Variants in ABCD2 observed in about 807,000 individuals in gnomAD.
ABCD2 encodes the protein ATP-binding cassette sub-family D member 2.
Under a neutral mutation model 70.9 loss-of-function variants are expected in ABCD2, and 36 were observed. That is an observed-to-expected ratio of 0.51 (90% CI 0.39 to 0.67). ABCD2 has a LOEUF of 0.67. Among genes scored for constraint, ABCD2 ranks in the 30% least tolerant of loss-of-function variants. The pLI is 0.00. For synonymous variants in ABCD2, 304 were observed against 306.9 expected (o/e 0.99, Z 0.10); for missense variants, 729 against 890.2 (o/e 0.82, Z 2.30).
At chr12:39,607,502 T>C (rs1053028562) in intron 3 of ABCD2, 97 bp downstream of exon 3, 1 of 1,014,300 alleles carries the variant, frequency 9.9e-7, no homozygotes, top group Non-Finnish European at 1.5e-6. Flanking sequence ...AGAGAAAAGA[T>C]ATGTTTCCAA....
chr12:39,590,147 T>C (rs1941726125), intron 6 of ABCD2, among the ~76,000 whole-genome samples: 1 of 152,180 alleles, frequency 6.6e-6, no homozygotes, highest in Admixed American at 6.5e-5. Context: ...ACATTTTGAG[T>C]CAGTTCAAGT....
At chr12:39,567,595 TTG>T (rs1941374264) in intron 9 of ABCD2, among the ~76,000 whole-genome samples, 2 of 152,034 alleles carry the variant, frequency 1.3e-5, no homozygotes, top group South Asian at 4.2e-4. Context: ...ATTTGCCAAT[TTG>T]TGTCTTTTAA....
chr12:39,545,845 A>G (rs1312723236), downstream of ABCD2, among the ~76,000 whole-genome samples: 3 of 152,118 alleles, frequency 2.0e-5, no homozygotes, highest in Non-Finnish European at 4.4e-5. Context: ...TGTCCACCTG[A>G]CTTGAGGGAT....
At chr12:39,534,712 A>AAGGG in the ABCD2 span, among the ~76,000 whole-genome samples, 2 of 145,310 alleles carry the variant, frequency 1.4e-5, no homozygotes, top group African/African-American at 5.1e-5. Context: ...GGAAGGAAGG[A>AAGGG]AGGAAGGAAG....
the ABCD2 span, among the ~76,000 whole-genome samples, chr12:39,544,395 T>C: frequency 1.3e-5 from 2 of 152,186 alleles, no homozygotes; most frequent in Non-Finnish European, 1.5e-5. Flanking sequence ...TAATTTCTAA[T>C]CTTGTGGCTA....
intron 9 of ABCD2, among the ~76,000 whole-genome samples, chr12:39,563,739 T>C (rs552111831): frequency 7.2e-5 from 11 of 152,290 alleles, no homozygotes; most frequent in African/African-American, 2.2e-4. Context: ...ACTCATCATT[T>C]AACATTAGTT....
intron 1 of ABCD2, among the ~76,000 whole-genome samples, chr12:39,617,902 A>T (rs978619125): frequency 6.6e-6 from 1 of 152,194 alleles, no homozygotes; most frequent in Non-Finnish European, 1.5e-5. Flanking sequence ...AGTTACCTTC[A>T]TGCACTGTTA....
chr12:39,599,833 A>C (rs1941872130), intron 6 of ABCD2, among the ~76,000 whole-genome samples: 1 of 152,250 alleles, frequency 6.6e-6, no homozygotes, highest in African/African-American at 2.4e-5. Flanking sequence ...GTCCTCTGAC[A>C]TAGTAGGAGT....
At chr12:39,583,268 G>T (rs1941622116) in intron 7 of ABCD2, among the ~76,000 whole-genome samples, 1 of 152,164 alleles carries the variant, frequency 6.6e-6, no homozygotes, top group African/African-American at 2.4e-5. Flanking sequence ...TCATTTTACA[G>T]TTGAAGATAC....
chr12:39,554,041 T>C lies in ABCD2; in HGVS notation c.2094A>G (p.Glu698=). ...GCTGAGATTCTAGCTTTTGTTTTTC[T>C]TCACTCAATGTCAAACGGATAGCAG... ...LDTAIRLTLS[E]EKQKLESQLA... The change falls in exon 10 of 10, where the codon GAA becomes GAG. Residue 698 remains glutamate, a synonymous_variant. Transcript: ENST00000308666. 6.2e-7 allele frequency: 1 copy of C among 1,613,764 alleles called. No individual in the cohort carries two copies. The highest frequency in any genetic ancestry group is 1.7e-5 in the Admixed American group (1 of 59,990).
At chr12:39,566,580 G>A (rs895365003) in intron 9 of ABCD2, among the ~76,000 whole-genome samples, 29 of 152,202 alleles carry the variant, frequency 1.9e-4, no homozygotes, top group African/African-American at 6.5e-4. Flanking sequence ...CAAAAAACCA[G>A]CTCCTGGATT....
chr12:39,541,377 G>C, the ABCD2 span, among the ~76,000 whole-genome samples: 1 of 152,188 alleles, frequency 6.6e-6, no homozygotes, highest in African/African-American at 2.4e-5. Context: ...AAGTCGGTGA[G>C]GGGGCAGCTT....
rs573667276 is a variant in ABCD2 at position 39,583,021 on chromosome 12, G to A, written c.1792+3131C>T. 3.9e-5 allele frequency among the ~76,000 whole-genome samples: 6 copies of A among 151,954 alleles called. 1 individual carries two copies. In the South Asian group the frequency reaches 6.2e-4, roughly 16 times the overall value. On this transcript the variant is annotated intron_variant, in intron 7 of 9. Transcript: ENST00000308666. The stretch of plus-strand genomic sequence containing the variant: ...ACTACAGGGGTGTGCCACCATTCCC[G>A]GATAATTTTTGTATGTTTTGTAGGG...
chr12:39,547,522 G>A (rs1591958738), downstream of ABCD2, among the ~76,000 whole-genome samples: 1 of 152,094 alleles, frequency 6.6e-6, no homozygotes, highest in Non-Finnish European at 1.5e-5. Context: ...CAACATGGGG[G>A]AATCTTGTGG....
At chr12:39,581,798 C>T (rs1349671354) in intron 7 of ABCD2, among the ~76,000 whole-genome samples, 1 of 152,152 alleles carries the variant, frequency 6.6e-6, no homozygotes, top group African/African-American at 2.4e-5. Flanking sequence ...GGCAATATTG[C>T]ATGATCACGG....
chr12:39,611,259 G>C (rs1341249768), intron 2 of ABCD2, among the ~76,000 whole-genome samples: 1 of 152,048 alleles, frequency 6.6e-6, no homozygotes, highest in Non-Finnish European at 1.5e-5. Flanking sequence ...ATAGATATTG[G>C]TTCATCAGTT....
intron 8 of ABCD2, among the ~76,000 whole-genome samples, chr12:39,577,405 G>A (rs1209234597): frequency 6.6e-6 from 1 of 152,160 alleles, no homozygotes; most frequent in Non-Finnish European, 1.5e-5. Context: ...CCCCTACCTA[G>A]ATTTACCTGA....
At chr12:39,601,421 GTTAT>G (rs200001009) in intron 5 of ABCD2, among the ~76,000 whole-genome samples, 2,000 of 151,120 alleles carry the variant, frequency 0.013, 113 homozygotes, top group Admixed American at 0.091. Context: ...AATAAAACAG[GTTAT>G]TTATTTCTTA....
intron 9 of ABCD2, among the ~76,000 whole-genome samples, chr12:39,556,909 G>A (rs1390990699): frequency 6.6e-6 from 1 of 151,968 alleles, no homozygotes; most frequent in South Asian, 2.1e-4. Context: ...CTTGAACCCA[G>A]GAGGCAGATG....
Sources: allele counts gnomAD v4.1 joint callset (sites outside exome capture counted in the v4.1 genomes callset), GRCh38; gene constraint gnomAD v4.1.1; transcripts MANE v1.5; gene names NCBI Gene and HGNC (gene_info 2026-07-23, HGNC 2026-07-21).